TLE2: variants seen among roughly 807,000 people sequenced by gnomAD.
The protein encoded by TLE2 is transducin-like enhancer protein 2.
TLE2 carries 74 observed loss-of-function variants against 97.2 expected under a neutral mutation model. That is an observed-to-expected ratio of 0.76 (90% CI 0.63 to 0.92). The LOEUF (loss-of-function observed/expected upper bound fraction) is 0.92, where lower values mean the gene tolerates loss of function less well. Ranked by LOEUF, TLE2 falls within the 40% of genes least tolerant of loss-of-function variation. TLE2 has a pLI of 0.00. For missense variants in TLE2, 1,038 were observed against 1,008.7 expected (o/e 1.03, Z -0.39); for synonymous variants, 499 against 432.1 (o/e 1.15, Z -1.92).
At chr19:3,039,174 A>C (rs1190891864) in intron 1 of TLE2, among the ~76,000 whole-genome samples, 1 of 148,990 alleles carries the variant, frequency 6.7e-6, no homozygotes, top group African/African-American at 2.5e-5. Flanking sequence ...AGACCGTGCC[A>C]TTGCACTCCA....
chr19:3,009,529 C>G lies in TLE2; in HGVS notation c.1173+13G>C, dbSNP rs1052170098. The G allele has an allele frequency of 1.3e-6, 2 of 1,591,522 alleles. No individual in the cohort carries two copies. The highest frequency in any genetic ancestry group is 1.7e-6 in the Non-Finnish European group (2 of 1,169,096). ...CCTGCTGACACCTCCTGCGCCCCCA[C>G]CCAAGGACTCACCACGGGGGAGCGT... On this transcript the variant is annotated intron_variant, in intron 13 of 19. Coordinates refer to ENST00000262953, the MANE Select transcript of TLE2 (RefSeq NM_003260.5).
intron 19 of TLE2, among the ~76,000 whole-genome samples, chr19:2,998,382 ATCC>A (rs1290415098): frequency 6.6e-6 from 1 of 151,752 alleles, no homozygotes; most frequent in African/African-American, 2.4e-5. Context: ...GGTTCAGGCA[ATCC>A]TCCTGTCTCG....
At chr19:3,013,490 G>A (rs2089638174) in intron 11 of TLE2, among the ~76,000 whole-genome samples, 179 bp downstream of exon 11, 1 of 151,914 alleles carries the variant, frequency 6.6e-6, no homozygotes, top group South Asian at 2.1e-4. Context: ...AATATTTACT[G>A]AGGTTCAACA....
intron 17 of TLE2, among the ~76,000 whole-genome samples, chr19:3,004,226 G>A (rs1007765573): frequency 8.5e-5 from 13 of 152,192 alleles, no homozygotes; most frequent in Admixed American, 6.6e-4. Context: ...CACCCAGTGA[G>A]CTAGGAGATA....
At chr19:3,030,581 G>A (rs1276963493), upstream of TLE2, among the ~76,000 whole-genome samples, 3 of 151,938 alleles carry the variant, frequency 2.0e-5, no homozygotes, top group Non-Finnish European at 2.9e-5. Flanking sequence ...GTACCTAAGG[G>A]TTAGGGTTAC....
chr19:3,012,043 T>G (rs949374388), intron 11 of TLE2, among the ~76,000 whole-genome samples: 11 of 151,988 alleles, frequency 7.2e-5, no homozygotes, highest in Non-Finnish European at 1.6e-4. Context: ...TCAGGAGATC[T>G]AGACCATCCT....
upstream of TLE2, among the ~76,000 whole-genome samples, chr19:3,029,909 C>T (rs974995722): frequency 1.3e-5 from 2 of 152,038 alleles, no homozygotes; most frequent in Non-Finnish European, 2.9e-5. Context: ...CGATCCTTCC[C>T]CCTCAGCTTC....
chr19:3,028,244 A>G, intron 3 of TLE2, 75 bp downstream of exon 3: 8 of 1,431,074 alleles, frequency 5.6e-6, no homozygotes, highest in Non-Finnish European at 7.7e-6. Flanking sequence ...TGGGGCAGGG[A>G]CCTACCCCAG....
At chr19:3,018,121 C>G (rs1418778890) in intron 7 of TLE2, among the ~76,000 whole-genome samples, 2 of 151,990 alleles carry the variant, frequency 1.3e-5, no homozygotes, top group African/African-American at 4.8e-5. Flanking sequence ...GGCCTTGCAG[C>G]CGCTCTCATT....
upstream of TLE2, among the ~76,000 whole-genome samples, chr19:3,030,845 G>C (rs2090017761): frequency 6.6e-6 from 1 of 151,890 alleles, no homozygotes; most frequent in Non-Finnish European, 1.5e-5. Flanking sequence ...CCGGCTACTT[G>C]GGGGGCTGAG....
intron 11 of TLE2, among the ~76,000 whole-genome samples, chr19:3,012,234 C>T (rs1260437190): frequency 1.3e-5 from 2 of 151,736 alleles, no homozygotes; most frequent in Non-Finnish European, 2.9e-5. Flanking sequence ...CCCTGGGTGA[C>T]AGAGCGAGAC....
At chr19:3,005,268 G>C (rs2089448311) in intron 17 of TLE2, among the ~76,000 whole-genome samples, 169 bp downstream of exon 17, 1 of 152,160 alleles carries the variant, frequency 6.6e-6, no homozygotes, top group Non-Finnish European at 1.5e-5. Flanking sequence ...CATCTTTAGA[G>C]AGTTACAGGG....
intron 13 of TLE2, 148 bp downstream of exon 13, chr19:3,009,394 C>T: frequency 1.0e-6 from 1 of 969,908 alleles, no homozygotes; most frequent in South Asian, 2.2e-5. Context: ...CTGAGACCCC[C>T]AGATTGTCTT....
At chr19:3,029,449 C>T (rs1345470949), upstream of TLE2, 2 of 962,742 alleles carry the variant, frequency 2.1e-6, no homozygotes, top group Non-Finnish European at 2.5e-6. Flanking sequence ...AAACTGAGGC[C>T]GGGTGGGGAG....
chr19:3,028,855 G>A (rs1555694436), intron 1 of TLE2, 26 bp downstream of exon 1: 2 of 1,611,290 alleles, frequency 1.2e-6, no homozygotes, highest in Non-Finnish European at 1.7e-6. Flanking sequence ...GACACTGGGG[G>A]CCCCCTCCCC....
intron 1 of TLE2, among the ~76,000 whole-genome samples, chr19:3,040,577 G>C (rs955344189): frequency 1.3e-5 from 2 of 151,950 alleles, no homozygotes; most frequent in East Asian, 3.9e-4. Context: ...GGCCTCAAGG[G>C]ATCCTCCTGC....
At chr19:3,045,228 A>G (rs901738712) in intron 1 of TLE2, among the ~76,000 whole-genome samples, 1 of 152,182 alleles carries the variant, frequency 6.6e-6, no homozygotes, top group African/African-American at 2.4e-5. Context: ...TAATAAAAAT[A>G]AAGAATGCAG....
chr19:3,010,926 CT>C, intron 12 of TLE2, 95 bp downstream of exon 12: 1 of 1,472,390 alleles, frequency 6.8e-7, no homozygotes, highest in Non-Finnish European at 9.1e-7. Flanking sequence ...AACACCAAGC[CT>C]GGAATCCCAG....
intron 19 of TLE2, among the ~76,000 whole-genome samples, chr19:2,998,242 T>TG (rs2089264374): frequency 7.5e-5 from 1 of 13,390 alleles, no homozygotes; most frequent in African/African-American, 1.8e-4. Context: ...GGCCAATGTG[T>TG]GTGTGTGTGT....
Sources: allele counts gnomAD v4.1 joint callset (sites outside exome capture counted in the v4.1 genomes callset), GRCh38; gene constraint gnomAD v4.1.1; transcripts MANE v1.5; gene names NCBI Gene and HGNC (gene_info 2026-07-23, HGNC 2026-07-21).